The following CFDP1 variants were observed in gnomAD, a reference collection of about 807,000 sequenced individuals.
CFDP1 encodes the protein chromatin remodeling protein CFDP1, also known as heterochromatin-stabilizing protein CFDP1.
In CFDP1, 31 loss-of-function variants were observed where a neutral mutation model predicts 40.1. The observed-to-expected ratio is 0.77, with a 90% CI of 0.58 to 1.04. The LOEUF (loss-of-function observed/expected upper bound fraction) is 1.04. CFDP1 is among the 50% of genes least tolerant of loss of function. The probability of loss-of-function intolerance (pLI) is 0.00; values close to 1 mark genes in which losing one functional copy is unlikely to be tolerated. For missense variants in CFDP1, 423 were observed against 343.4 expected, an observed-to-expected ratio of 1.23 and a Z score of -1.83; for synonymous variants, 167 against 120.0, an observed-to-expected ratio of 1.39 and a Z score of -2.56.
At position 75,404,151 on chromosome 16, in the gene CFDP1, T is replaced by A. The variant is rs142258858; in HGVS notation, c.530+7674A>T. Reference sequence around the variant, plus strand: ...TGTCTCAAAATAATAATAGTAATTATTATTATTATTTATGGAACCCGAAAA... The same window carrying A: ...TGTCTCAAAATAATAATAGTAATTAATATTATTATTTATGGAACCCGAAAA... On this transcript the variant is annotated intron_variant, in intron 4 of 6. Transcript: ENST00000283882. 1.3e-3 allele frequency among the ~76,000 whole-genome samples: 202 copies of A among 151,562 alleles called. 1 individual carries two copies. The highest frequency in any genetic ancestry group is 2.0e-3 in the Non-Finnish European group (135 of 67,890).
chr16:75,301,447 T>A (rs2078220626), intron 6 of CFDP1, among the ~76,000 whole-genome samples: 2 of 150,852 alleles, frequency 1.3e-5, no homozygotes, highest in South Asian at 4.2e-4. Context: ...TGCAGCCTAC[T>A]CAGGTGACAG....
intron 5 of CFDP1, among the ~76,000 whole-genome samples, chr16:75,359,206 T>A (rs2078665793): frequency 6.6e-6 from 1 of 152,212 alleles, no homozygotes; most frequent in African/African-American, 2.4e-5. Flanking sequence ...TTCTAAATTT[T>A]AAAAATATAC....
rs897160625 is a variant in CFDP1 at position 75,352,099 on chromosome 16, G to A, written c.650+42991C>T. Reference sequence around the variant, plus strand: ...CTCACACCTGTAATCCCAGCACTCCGGGAGGCTGAGGTGGGTGGATTACTT... The same window carrying A: ...CTCACACCTGTAATCCCAGCACTCCAGGAGGCTGAGGTGGGTGGATTACTT... On this transcript the variant is annotated intron_variant, in intron 5 of 6. Transcript: ENST00000283882. Among the ~76,000 whole-genome samples the A allele has an allele frequency of 8.6e-5, 13 of 151,092 alleles. No homozygotes were observed. The South Asian group carries it at 2.1e-3, about 24-fold the overall frequency.
intron 1 of CFDP1, among the ~76,000 whole-genome samples, chr16:75,421,103 G>A (rs568427659): frequency 2.6e-5 from 4 of 152,286 alleles, no homozygotes; most frequent in South Asian, 2.1e-4. Flanking sequence ...GGAGGCATGC[G>A]CACTGGGGTG....
chr16:75,312,024 T>C (rs1004442920), intron 5 of CFDP1, among the ~76,000 whole-genome samples: 1 of 152,186 alleles, frequency 6.6e-6, no homozygotes, highest in Non-Finnish European at 1.5e-5. Flanking sequence ...TAATTCTTCG[T>C]TGAGGGCTGT....
chr16:75,335,508 T>C (rs1207462587), intron 5 of CFDP1, among the ~76,000 whole-genome samples: 2 of 151,850 alleles, frequency 1.3e-5, no homozygotes, highest in East Asian at 1.9e-4. Flanking sequence ...TATCTCCCCT[T>C]CAACTGATTT....
At chr16:75,310,745 T>C (rs1005435505) in intron 5 of CFDP1, among the ~76,000 whole-genome samples, 2 of 152,192 alleles carry the variant, frequency 1.3e-5, no homozygotes, top group Non-Finnish European at 2.9e-5. Context: ...AAAGAGGTAC[T>C]GGAAAGGAGC....
chr16:75,314,331 C>A (rs2078312088), intron 5 of CFDP1, among the ~76,000 whole-genome samples: 2 of 152,100 alleles, frequency 1.3e-5, no homozygotes, highest in South Asian at 4.1e-4. Context: ...CATGGATGGA[C>A]CGTGAAAACA....
chr16:75,378,127 C>T (rs556684654), intron 5 of CFDP1, among the ~76,000 whole-genome samples: 28 of 152,136 alleles, frequency 1.8e-4, no homozygotes, highest in Non-Finnish European at 3.1e-4. Context: ...TTCCAGGCAA[C>T]ACAGCAGGGT....
intron 4 of CFDP1, among the ~76,000 whole-genome samples, chr16:75,400,160 T>C (rs2079038345): frequency 6.7e-6 from 1 of 149,708 alleles, no homozygotes. Context: ...CGTGCACCTG[T>C]AGTCCTAGAT....
intron 5 of CFDP1, among the ~76,000 whole-genome samples, chr16:75,368,832 G>C (rs1373120946): frequency 1.3e-5 from 2 of 151,946 alleles, no homozygotes; most frequent in Non-Finnish European, 2.9e-5. Context: ...ATGGAGTTTC[G>C]CCATGTGCCC....
intron 5 of CFDP1, chr16:75,380,199 T>A (rs537632671): frequency 6.6e-6 from 1 of 152,072 alleles, no homozygotes; most frequent in South Asian, 2.1e-4. Context: ...TGAACTTCCA[T>A]TTTAGGCAAG....
At chr16:75,297,195 T>TGTGTGTGTGTGTGTGTG (rs1491320265) in intron 6 of CFDP1, among the ~76,000 whole-genome samples, 102 of 150,084 alleles carry the variant, frequency 6.8e-4, no homozygotes, top group East Asian at 1.2e-3. Flanking sequence ...TGTGTGTGTG[T>TGTGTGTGTGTGTGTGTG]TTTTAGTAGA....
At chr16:75,410,926 A>G (rs1215701509) in intron 4 of CFDP1, among the ~76,000 whole-genome samples, 2 of 147,176 alleles carry the variant, frequency 1.4e-5, no homozygotes, top group African/African-American at 2.5e-5. Context: ...AAAAAAAAAA[A>G]GAAAAAAAAA....
intron 5 of CFDP1, among the ~76,000 whole-genome samples, chr16:75,363,467 C>T (rs2078693217): frequency 6.6e-6 from 1 of 151,724 alleles, no homozygotes; most frequent in South Asian, 2.1e-4. Context: ...GCAATCTCAG[C>T]TCACTGCAAC....
intron 1 of CFDP1, among the ~76,000 whole-genome samples, chr16:75,421,853 C>G (rs989241234): frequency 2.6e-4 from 40 of 152,098 alleles, no homozygotes; most frequent in African/African-American, 8.9e-4. Context: ...AAGATCTCCC[C>G]CACCCCACAC....
At chr16:75,319,988 G>A (rs2078350672) in intron 5 of CFDP1, among the ~76,000 whole-genome samples, 1 of 152,196 alleles carries the variant, frequency 6.6e-6, no homozygotes, top group South Asian at 2.1e-4. Flanking sequence ...CCACAGCTGA[G>A]CCATCTGTAA....
chr16:75,303,064 T>C (rs1015152840), intron 6 of CFDP1, among the ~76,000 whole-genome samples: 6 of 151,550 alleles, frequency 4.0e-5, no homozygotes, highest in African/African-American at 7.3e-5. Context: ...GCTGGGCGTG[T>C]AGGCGCGCGC....
rs59681577 is a variant in CFDP1, at chr16:75,384,852, CTATA to C, written c.650+10234_650+10237del. Among the ~76,000 whole-genome samples, 400 of 119,514 alleles carry C rather than the reference CTATA, an allele frequency of 3.3e-3. 2 individuals carry two copies. Among genetic ancestry groups the C allele is most frequent in the Middle Eastern group, 0.013 (3 of 224 alleles). The allele number at this position is 119,514 out of a possible 152,430, so 78.4% of individuals were successfully genotyped here. On this transcript the variant is annotated intron_variant, in intron 5 of 6. Transcript: ENST00000283882. ...TACAAGTTGCAAGAAGAAACTAAAACTATATATATATATATATATATATATATAT... is the reference window on the plus strand; with the variant it reads ...TACAAGTTGCAAGAAGAAACTAAAACTATATATATATATATATATATATAT...
Sources: gnomAD v4.1 joint callset for allele counts (sites outside exome capture counted in the v4.1 genomes callset) on GRCh38, gnomAD v4.1.1 for gene constraint, MANE v1.5 for transcripts, NCBI Gene and HGNC (gene_info 2026-07-23, HGNC 2026-07-21) for gene names.